Variants in SHFL observed in about 807,000 individuals in gnomAD.
SHFL encodes shiftless antiviral inhibitor of ribosomal frameshifting.
Under a neutral mutation model 34.7 loss-of-function variants are expected in SHFL, and 12 were observed. The ratio of observed to expected loss-of-function variants is 0.35; its 90% CI spans 0.22 to 0.56. The LOEUF (loss-of-function observed/expected upper bound fraction) is 0.56. Among genes scored for constraint, SHFL ranks in the 20% least tolerant of loss-of-function variants. The probability of loss-of-function intolerance (pLI) is 0.88; values close to 1 mark genes in which losing one functional copy is unlikely to be tolerated. For synonymous variants in SHFL, 148 were observed against 156.0 expected, an observed-to-expected ratio of 0.95 and a Z score of 0.38; for missense variants, 278 against 411.1, an observed-to-expected ratio of 0.68 and a Z score of 2.80.
At position 10,093,101 on chromosome 19, in the gene SHFL, C is replaced by T. The variant is rs139370588; in HGVS notation, c.*799C>T. On this transcript the variant is annotated 3_prime_UTR_variant, in exon 8 of 8. Transcript: ENST00000253110. ...CCTTTCTAGAATAAGAGTACTAGCT[C>T]TCACCCTCTGCCCTTTACTTGAACA... is the stretch of plus-strand genomic sequence containing the variant. 16 of 551,492 alleles carry T rather than the reference C, an allele frequency of 2.9e-5. No homozygotes were observed. Among genetic ancestry groups the T allele is most frequent in the African/African-American group, 2.4e-4 (13 of 53,600 alleles). 34.2% of individuals were successfully genotyped at this position (551,492 alleles called of 1,614,324 possible).
intron 3 of SHFL, 86 bp downstream of exon 3, chr19:10,087,386 C>A: frequency 1.4e-6 from 2 of 1,449,196 alleles, no homozygotes; most frequent in South Asian, 1.1e-5. Flanking sequence ...GTGACTGACC[C>A]CCCTCTGAAA....
chr19:10,087,060 T>A lies in SHFL; in HGVS notation c.145+8T>A. 1.2e-6 allele frequency: 2 copies of A among 1,609,728 alleles called. No individual in the cohort carries two copies. Among genetic ancestry groups the A allele is most frequent in the South Asian group, 2.2e-5 (2 of 90,660 alleles). ...GGCGCTCCATCGTGTACGGTGAGGC[T>A]GCAGGGGTCCCGGGCCTGGTGCGGG... On this transcript the variant is annotated splice_region_variant and intron_variant, in intron 2 of 7. Coordinates refer to ENST00000253110, the MANE Select transcript of SHFL (RefSeq NM_018381.4).
chr19:10,092,871 GC>G lies in SHFL; in HGVS notation c.*573del, dbSNP rs998703469. The G allele has an allele frequency of 1.3e-5, 14 of 1,091,818 alleles. No homozygotes were observed. The African/African-American group carries it at 1.9e-4, about 15-fold the overall frequency. 67.6% of individuals were successfully genotyped at this position (1,091,818 alleles called of 1,614,324 possible). On this transcript the variant is annotated 3_prime_UTR_variant, in exon 8 of 8. Transcript: ENST00000253110. Reference sequence around the variant, plus strand: ...CAAGGCTTTTGCCAGGCATCCCCTGGCCCCTCCCATTCTTATTGAATACAAG... The same window carrying G: ...CAAGGCTTTTGCCAGGCATCCCCTGGCCCTCCCATTCTTATTGAATACAAG...
At position 10,086,812 on chromosome 19, in the gene SHFL, G is replaced by C. The variant is rs79503323; in HGVS notation, c.22-117G>C. The C allele has an allele frequency of 3.8e-4, 461 of 1,210,014 alleles. 1 individual carries two copies. The highest frequency in any genetic ancestry group is 7.2e-4 in the East Asian group (28 of 38,738). The allele number at this position is 1,210,014 out of a possible 1,614,324, so 75.0% of individuals were successfully genotyped here. A position where few individuals can be genotyped will look rare whatever the true frequency, so the allele number is the denominator to read the frequency against. On this transcript the variant is annotated intron_variant, in intron 1 of 7. Transcript: ENST00000253110. This position sits in a 1 kb window ranked among gnomAD's most constrained non-coding sequence, Gnocchi z 5.2. ...GTAAAGGGATGAAAGGCGGGGGGGG[G>C]GCGGCGGAGGCCAAAACCAAGGGTC... is the stretch of plus-strand genomic sequence containing the variant.
Position 10,092,484 on chromosome 19 carries a change from C to G in SHFL, c.*182C>G. ...GGTCACAGATCCACAGTGGGAAGTTCTGTGGGACACATTGGCACTGAGCCA... is the reference window on the plus strand; with the variant it reads ...GGTCACAGATCCACAGTGGGAAGTTGTGTGGGACACATTGGCACTGAGCCA... On this transcript the variant is annotated 3_prime_UTR_variant, in exon 8 of 8. Coordinates refer to ENST00000253110, the MANE Select transcript of SHFL (RefSeq NM_018381.4). 1 of 1,520,892 alleles carries G rather than the reference C, an allele frequency of 6.6e-7. No homozygotes were observed. Among genetic ancestry groups the G allele is most frequent in the Non-Finnish European group, 8.9e-7 (1 of 1,128,744 alleles). 94.2% of individuals were successfully genotyped at this position (1,520,892 alleles called of 1,614,324 possible).
At chr19:10,089,190 C>G (rs1286499850) in intron 3 of SHFL, 3 of 961,426 alleles carry the variant, frequency 3.1e-6, no homozygotes, top group Admixed American at 4.4e-5. Flanking sequence ...GGAGTCAGAG[C>G]CTGGGCTCTA....
At chr19:10,087,621 T>G (rs1599272880) in intron 3 of SHFL, 2 of 346,040 alleles carry the variant, frequency 5.8e-6, no homozygotes, top group Non-Finnish European at 1.0e-5. Context: ...GAGGAGGAGG[T>G]ACCAAGTCTT....
In SHFL at chr19:10,092,563, G is replaced by A; in HGVS notation, c.*261G>A. 1 of 1,581,532 alleles carries A rather than the reference G, an allele frequency of 6.3e-7. No individual in the cohort carries two copies. Among genetic ancestry groups the A allele is most frequent in the Non-Finnish European group, 8.6e-7 (1 of 1,159,704 alleles). On this transcript the variant is annotated 3_prime_UTR_variant, in exon 8 of 8. Coordinates refer to ENST00000253110, the MANE Select transcript of SHFL (RefSeq NM_018381.4). Reference sequence around the variant, plus strand: ...GCTCCTGCTGACCAATGTCCTCTAGGGCCTAGGGGACAGAGGAACACAGAG... The same window carrying A: ...GCTCCTGCTGACCAATGTCCTCTAGAGCCTAGGGGACAGAGGAACACAGAG...
At position 10,093,225 on chromosome 19, in the gene SHFL, A is replaced by G; in HGVS notation, c.*923A>G. The G allele has an allele frequency of 7.7e-7, 1 of 1,306,544 alleles. No individual in the cohort carries two copies. The highest frequency in any genetic ancestry group is 1.1e-6 in the Non-Finnish European group (1 of 948,584). The allele number at this position is 1,306,544 out of a possible 1,614,324, so 80.9% of individuals were successfully genotyped here. On this transcript the variant is annotated 3_prime_UTR_variant, in exon 8 of 8. Coordinates refer to ENST00000253110, the MANE Select transcript of SHFL (RefSeq NM_018381.4). ...CTGACCTTTGTTCTCTTGACGGAAT[A>G]AAAGCTTGCTTATCCTTATACTTAC...
rs1325799148 is a variant in SHFL, at chr19:10,092,395, G to C, written c.*93G>C. On this transcript the variant is annotated 3_prime_UTR_variant, in exon 8 of 8. Transcript: ENST00000253110. ...CTCAAACCGAGATATGAATGACCTT[G>C]GGGAGCCATCTGAGGCCAAGATATT... is the stretch of plus-strand genomic sequence containing the variant. The C allele has an allele frequency of 3.9e-6, 6 of 1,522,470 alleles. No individual in the cohort carries two copies. The African/African-American group carries it at 8.4e-5, about 21-fold the overall frequency. 94.3% of individuals were successfully genotyped at this position (1,522,470 alleles called of 1,614,324 possible).
Position 10,092,691 on chromosome 19 carries a change from G to C in SHFL, c.*389G>C. On this transcript the variant is annotated 3_prime_UTR_variant, in exon 8 of 8. Coordinates refer to ENST00000253110, the MANE Select transcript of SHFL (RefSeq NM_018381.4). ...CACCATCCTGGTAGCGGCTTCGGTA[G>C]TGGCCGCCGTGGTGCCACACACCGT... The C allele has an allele frequency of 6.2e-7, 1 of 1,614,068 alleles. No individual in the cohort carries two copies. The highest frequency in any genetic ancestry group is 8.5e-7 in the Non-Finnish European group (1 of 1,179,932).
Position 10,092,269 on chromosome 19 carries a change from G to A in SHFL, c.843G>A (p.Glu281=), listed in dbSNP as rs1444361807. The change falls in exon 8 of 8, where the codon GAG becomes GAA. Residue 281 remains glutamate (E), a synonymous_variant. Transcript: ENST00000253110. ...AGGAGGAGGAGGAGGAAGAGGAGGAGGTGGAGGACGAGGAGGGCGGGCCCA... is the reference window on the plus strand; with the variant it reads ...AGGAGGAGGAGGAGGAAGAGGAGGAAGTGGAGGACGAGGAGGGCGGGCCCA... ...DLKEEEEEEE[E]VEDEEGGPRE is the part of the protein sequence containing the mutation. The A allele has an allele frequency of 1.3e-6, 2 of 1,599,758 alleles. No homozygotes were observed. Among genetic ancestry groups the A allele is most frequent in the African/African-American group, 2.7e-5 (2 of 74,540 alleles).
chr19:10,087,636 G>A (rs2088309031), intron 3 of SHFL: 1 of 326,402 alleles, frequency 3.1e-6, no homozygotes, highest in Admixed American at 4.8e-5. Flanking sequence ...AGTCTTAAAG[G>A]ATGGGGAGGA....
At position 10,091,932 on chromosome 19, in the gene SHFL, C is replaced by A. The variant is rs1483245510; in HGVS notation, c.644-138C>A. ...CCAGGTCTCCTGTATCTTCAACACC[C>A]CTGAATGTCCAGTTGTGCTGGTCCC... On this transcript the variant is annotated intron_variant, in intron 7 of 7. Transcript: ENST00000253110. The surrounding 1 kb of genome is among the most constrained non-coding windows in gnomAD (Gnocchi z 8.2). 7 of 1,093,376 alleles carry A rather than the reference C, an allele frequency of 6.4e-6. No individual in the cohort carries two copies. Among genetic ancestry groups the A allele is most frequent in the African/African-American group, 1.6e-5 (1 of 62,856 alleles). 67.7% of individuals were successfully genotyped at this position (1,093,376 alleles called of 1,614,324 possible). A position where few individuals can be genotyped will look rare whatever the true frequency, so the allele number is the denominator to read the frequency against.
In SHFL at chr19:10,092,550, C is replaced by A. The variant is rs202024755; in HGVS notation, c.*248C>A. The stretch of plus-strand genomic sequence containing the variant: ...CAGAACAACTTGGGCTCCTGCTGAC[C>A]AATGTCCTCTAGGGCCTAGGGGACA... On this transcript the variant is annotated 3_prime_UTR_variant, in exon 8 of 8. Coordinates refer to ENST00000253110, the MANE Select transcript of SHFL (RefSeq NM_018381.4). 17 of 1,562,872 alleles carry A rather than the reference C, an allele frequency of 1.1e-5. No homozygotes were observed. The East Asian group carries it at 3.6e-4, about 33-fold the overall frequency.
Position 10,089,988 on chromosome 19 carries a change from C to A in SHFL, c.325C>A (p.Gln109Lys). The change falls in exon 5 of 8, where the codon CAG (glutamine) becomes AAG (lysine). Residue 109 changes from glutamine to lysine, a missense_variant. Gln to Lys is a moderately conservative substitution (Grantham distance 53). Around this residue, in one of 2 missense-constraint regions of SHFL, gnomAD observed 243 missense variants for 386.2 expected, o/e 0.63. Transcript: ENST00000253110. ...CGACCTTATCCCTGCTGTGGACCGG[C>A]AGTTTGCCTGCTCCTCCTGCGACCA... is the stretch of plus-strand genomic sequence containing the variant. ...QDDLIPAVDR[Q>K]FACSSCDHVW... is the part of the protein sequence containing the mutation. 6.2e-7 allele frequency: 1 copy of A among 1,609,438 alleles called. No homozygotes were observed. The highest frequency in any genetic ancestry group is 2.2e-5 in the East Asian group (1 of 44,726).
rs2088399324 is a variant in SHFL, at chr19:10,091,960, T to TA, written c.644-109dup. 1 of 1,324,652 alleles carries TA rather than the reference T, an allele frequency of 7.5e-7. No individual in the cohort carries two copies. Among genetic ancestry groups the TA allele is most frequent in the African/African-American group, 1.5e-5 (1 of 67,176 alleles). 82.1% of individuals were successfully genotyped at this position (1,324,652 alleles called of 1,614,324 possible). On this transcript the variant is annotated intron_variant, in intron 7 of 7. Transcript: ENST00000253110. This position sits in a 1 kb window ranked among gnomAD's most constrained non-coding sequence, Gnocchi z 8.2. The stretch of plus-strand genomic sequence containing the variant: ...GAATGTCCAGTTGTGCTGGTCCCCG[T>TA]ATCTGGTGGTCTCAGCTCCTCCCTA...
intron 3 of SHFL, 164 bp from the exon 4 acceptor site, chr19:10,089,493 C>A: frequency 2.2e-6 from 3 of 1,360,104 alleles, no homozygotes; most frequent in South Asian, 1.2e-5. Context: ...GCTATGAGGA[C>A]AACTGAGGCC....
chr19:10,091,018 C>T lies in SHFL; in HGVS notation c.385-232C>T, dbSNP rs1283544300. ...TAGTTCACTTCTGGTCAATGCTTAA[C>T]TAGTTCTTGCAAAAGAGGCAGGAAG... On this transcript the variant is annotated intron_variant, in intron 5 of 7. Transcript: ENST00000253110. The surrounding 1 kb of genome is among the most constrained non-coding windows in gnomAD (Gnocchi z 8.2). Among the ~76,000 whole-genome samples, 1 of 152,168 alleles carries T rather than the reference C, an allele frequency of 6.6e-6. No individual in the cohort carries two copies. The highest frequency in any genetic ancestry group is 2.4e-5 in the African/African-American group (1 of 41,446).
Sources: gnomAD v4.1 joint callset for allele counts (sites outside exome capture counted in the v4.1 genomes callset) on GRCh38, gnomAD v4.1.1 for gene constraint, gnomAD v4.1.1 regional missense constraint, Gnocchi (gnomAD v3.1) non-coding constraint, MANE v1.5 for transcripts, NCBI Gene and HGNC (gene_info 2026-07-23, HGNC 2026-07-21) for gene names.